The following CNTN3 variants were observed in gnomAD, a reference collection of about 807,000 sequenced individuals.
The protein encoded by CNTN3 is contactin 3, also known as contactin-3.
In CNTN3, 60 loss-of-function variants were observed where a neutral mutation model predicts 119.1. The observed-to-expected ratio is 0.50, with a 90% CI of 0.41 to 0.62. The LOEUF (loss-of-function observed/expected upper bound fraction) is 0.62. Among genes scored for constraint, CNTN3 ranks in the 20% least tolerant of loss-of-function variants. The probability of loss-of-function intolerance (pLI) is 0.00; values close to 1 mark genes in which losing one functional copy is unlikely to be tolerated. For missense variants in CNTN3, 1,101 were observed against 1,242.4 expected (o/e 0.89, Z 1.71); for synonymous variants, 450 against 438.7 (o/e 1.03, Z -0.32).
At chr3:74,409,569 A>G (rs537691938) in intron 5 of CNTN3, among the ~76,000 whole-genome samples, 1 of 151,952 alleles carries the variant, frequency 6.6e-6, no homozygotes, top group African/African-American at 2.4e-5. Context: ...ATACTATTAC[A>G]ATTTATCTTA....
intron 13 of CNTN3, among the ~76,000 whole-genome samples, chr3:74,334,309 G>T (rs895483265): frequency 2.0e-5 from 3 of 152,158 alleles, no homozygotes; most frequent in African/African-American, 7.2e-5. Flanking sequence ...GTGCAATTGT[G>T]AGGATTAACA....
intron 1 of CNTN3, among the ~76,000 whole-genome samples, chr3:74,567,240 A>C (rs1446144215): frequency 6.6e-6 from 1 of 151,884 alleles, no homozygotes; most frequent in African/African-American, 2.4e-5. Context: ...TCCCAGGCTC[A>C]AGTGATCCTC....
intron 1 of CNTN3, among the ~76,000 whole-genome samples, chr3:74,595,615 A>G (rs1267240513): frequency 6.6e-6 from 1 of 152,188 alleles, no homozygotes; most frequent in Non-Finnish European, 1.5e-5. Context: ...TAGATGCAGA[A>G]AAGGCCTTTG....
At chr3:74,455,018 G>A (rs879256135) in intron 4 of CNTN3, among the ~76,000 whole-genome samples, 5 of 151,968 alleles carry the variant, frequency 3.3e-5, no homozygotes, top group Admixed American at 2.0e-4. Context: ...TATCTTTGTC[G>A]TGTTCTCTTT....
chr3:74,468,447 T>C (rs1702503438), intron 4 of CNTN3, among the ~76,000 whole-genome samples: 1 of 152,178 alleles, frequency 6.6e-6, no homozygotes, highest in Non-Finnish European at 1.5e-5. Context: ...AGATGCTCAG[T>C]TCCCAGGCAT....
At chr3:74,538,796 C>A (rs542314258) in intron 1 of CNTN3, among the ~76,000 whole-genome samples, 2 of 151,990 alleles carry the variant, frequency 1.3e-5, no homozygotes, top group African/African-American at 4.8e-5. Flanking sequence ...TATAGAGACT[C>A]GTAACTGAAA....
At chr3:74,412,763 T>C (rs1019228873) in intron 5 of CNTN3, among the ~76,000 whole-genome samples, 3 of 152,184 alleles carry the variant, frequency 2.0e-5, no homozygotes, top group Non-Finnish European at 4.4e-5. Context: ...ACTTTCTCCA[T>C]GGCAATAATC....
chr3:74,399,417 A>G (rs1325440357), intron 5 of CNTN3, among the ~76,000 whole-genome samples: 1 of 152,102 alleles, frequency 6.6e-6, no homozygotes, highest in Admixed American at 6.6e-5. Flanking sequence ...TTCCTGTGCT[A>G]GTTTGCTAAG....
intron 2 of CNTN3, 103 bp from the exon 3 acceptor site, chr3:74,499,888 T>G: frequency 8.8e-7 from 1 of 1,130,164 alleles, no homozygotes; most frequent in Non-Finnish European, 1.2e-6. Context: ...ATTCTAGTAC[T>G]GCTCCATTTG....
At chr3:74,382,364 T>C (rs781436631) in intron 5 of CNTN3, among the ~76,000 whole-genome samples, 24 of 152,350 alleles carry the variant, frequency 1.6e-4, no homozygotes, top group Non-Finnish European at 2.6e-4. Flanking sequence ...CTTATCCTTA[T>C]TTTGTAGTGA....
intron 5 of CNTN3, among the ~76,000 whole-genome samples, chr3:74,418,113 T>G (rs2106883585): frequency 6.6e-6 from 1 of 152,230 alleles, no homozygotes; most frequent in African/African-American, 2.4e-5. Context: ...AGGTGGAAAC[T>G]ACTGGGTTAT....
intron 5 of CNTN3, among the ~76,000 whole-genome samples, chr3:74,397,786 T>C (rs1387581371): frequency 6.6e-6 from 1 of 152,192 alleles, no homozygotes; most frequent in East Asian, 1.9e-4. Flanking sequence ...GAAACACTCA[T>C]GATTCATGAG....
At chr3:74,454,843 TCTTCTGG>T (rs1393837596) in intron 4 of CNTN3, among the ~76,000 whole-genome samples, 2 of 152,196 alleles carry the variant, frequency 1.3e-5, no homozygotes, top group African/African-American at 4.8e-5. Flanking sequence ...GCCCCCACTC[TCTTCTGG>T]CTTGTAGAGT....
intron 13 of CNTN3, among the ~76,000 whole-genome samples, chr3:74,305,759 G>A (rs985599744): frequency 1.3e-5 from 2 of 150,774 alleles, no homozygotes; most frequent in African/African-American, 4.9e-5. Context: ...GTCATCTTCT[G>A]TTTCTGTTTT....
intron 5 of CNTN3, among the ~76,000 whole-genome samples, chr3:74,376,803 T>C (rs1469086607): frequency 6.6e-6 from 1 of 152,044 alleles, no homozygotes; most frequent in East Asian, 1.9e-4. Context: ...ATTTGTTATA[T>C]TGGCAATAGG....
intron 20 of CNTN3, among the ~76,000 whole-genome samples, chr3:74,280,596 G>A (rs185382957): frequency 6.6e-6 from 1 of 152,214 alleles, no homozygotes. Context: ...TTTCTGCCAC[G>A]AAGAGAGAAC....
intron 13 of CNTN3, among the ~76,000 whole-genome samples, chr3:74,313,072 G>T (rs187763792): frequency 6.6e-6 from 1 of 150,724 alleles, no homozygotes; most frequent in East Asian, 1.9e-4. Flanking sequence ...TTAATAGACT[G>T]GGCATGGTTG....
At chr3:74,609,891 A>G (rs1284469444) in intron 1 of CNTN3, among the ~76,000 whole-genome samples, 1 of 152,196 alleles carries the variant, frequency 6.6e-6, no homozygotes, top group East Asian at 1.9e-4. Flanking sequence ...TACAGTTCCA[A>G]GTTATACTAA....
At chr3:74,602,623 G>T (rs1387019967) in intron 1 of CNTN3, among the ~76,000 whole-genome samples, 3 of 152,000 alleles carry the variant, frequency 2.0e-5, no homozygotes, top group African/African-American at 7.2e-5. Flanking sequence ...AACTTTTGGG[G>T]CATAGTTCTT....
Sources: gnomAD v4.1 joint callset for allele counts (sites outside exome capture counted in the v4.1 genomes callset) on GRCh38, gnomAD v4.1.1 for gene constraint, MANE v1.5 for transcripts, NCBI Gene and HGNC (gene_info 2026-07-23, HGNC 2026-07-21) for gene names.